PHACTR2: variants seen among roughly 807,000 people sequenced by gnomAD.
PHACTR2 encodes phosphatase and actin regulator 2.
A neutral mutation model predicts 76.0 loss-of-function variants in PHACTR2; 30 were observed. That is an observed-to-expected ratio of 0.39 (90% CI 0.30 to 0.54). The LOEUF (loss-of-function observed/expected upper bound fraction) is 0.54, where lower values mean the gene tolerates loss of function less well. Ranked by LOEUF, PHACTR2 falls within the 20% of genes least tolerant of loss-of-function variation. PHACTR2 has a pLI of 0.61. For missense variants in PHACTR2, 696 were observed against 781.1 expected (o/e 0.89, Z 1.30); for synonymous variants, 292 against 292.5 (o/e 1.00, Z 0.02).
In PHACTR2 at chr6:143,722,976, A is replaced by C. The variant is rs148931643; in HGVS notation, c.214+10793A>C. On this transcript the variant is annotated intron_variant, in intron 2 of 12. Transcript: ENST00000440869. This position sits in a 1 kb window ranked among gnomAD's most constrained non-coding sequence, Gnocchi z 4.1. ...GCTGAATAGTATTCCATTATGGTGG[A>C]ATAATATTCCATTGTGTATATGTAC... is the stretch of plus-strand genomic sequence containing the variant. 1.6e-3 allele frequency among the ~76,000 whole-genome samples: 250 copies of C among 152,340 alleles called. 1 individual carries two copies. Among genetic ancestry groups the C allele is most frequent in the Middle Eastern group, 3.4e-3 (1 of 294 alleles).
At position 143,579,229 on chromosome 6, in the gene PHACTR2, A is replaced by T. The variant is rs542572164; in HGVS notation, c.217+42022A>T. 4.1e-4 allele frequency among the ~76,000 whole-genome samples: 62 copies of T among 152,188 alleles called. 3 individuals are homozygous for T. The South Asian group carries it at 0.012, about 30-fold the overall frequency. On this transcript the variant is annotated intron_variant, in intron 1 of 11. Transcript: ENST00000367584. ...CCAAAACTTATTTTTTTCTTATTGT[A>T]ACATAGCTGTGTGAACAAGAAGGGA...
At position 143,633,848 on chromosome 6, in the gene PHACTR2, T is replaced by A. The variant is rs534815135; in HGVS notation, c.13+25526T>A. Among the ~76,000 whole-genome samples, 469 of 152,352 alleles carry A rather than the reference T, an allele frequency of 3.1e-3. 2 individuals are homozygous for A. The highest frequency in any genetic ancestry group is 0.024 in the Middle Eastern group (7 of 294). On this transcript the variant is annotated intron_variant, in intron 1 of 11. Transcript: ENST00000305766. This position sits in a 1 kb window ranked among gnomAD's most constrained non-coding sequence, Gnocchi z 4.1. ...CTGTCTAGATTCATTTTTTCGCATT[T>A]AGATGTCCAGTTACCTTTTGAAGAT...
At chr6:143,677,021 T>A, upstream of PHACTR2, among the ~76,000 whole-genome samples, 1 of 151,920 alleles carries the variant, frequency 6.6e-6, no homozygotes, top group East Asian at 1.9e-4. Flanking sequence ...AATTAAAAAA[T>A]GAAAGCTGTG....
chr6:143,740,594 A>ATTGC (rs1562289355), intron 2 of PHACTR2, among the ~76,000 whole-genome samples: 1 of 151,996 alleles, frequency 6.6e-6, no homozygotes, highest in Non-Finnish European at 1.5e-5. Flanking sequence ...AAAGTGGAGA[A>ATTGC]TTGCTTGTGG....
intron 2 of PHACTR2, among the ~76,000 whole-genome samples, chr6:143,716,005 G>A (rs527594628): frequency 6.6e-6 from 1 of 152,202 alleles, no homozygotes; most frequent in African/African-American, 2.4e-5. Flanking sequence ...AAATCTGTAG[G>A]CCACTAGAGA....
chr6:143,656,650 C>T lies in PHACTR2; in HGVS notation c.13+48328C>T, dbSNP rs111432239. Among the ~76,000 whole-genome samples, 94 of 151,912 alleles carry T rather than the reference C, an allele frequency of 6.2e-4. No individual in the cohort carries two copies. Among genetic ancestry groups the T allele is most frequent in the Middle Eastern group, 3.4e-3 (1 of 294 alleles). ...ATTGTAGTTGAGTAAATATTACACC[C>T]GGTGTGTTGATTAATGAATAGATGT... is the stretch of plus-strand genomic sequence containing the variant. On this transcript the variant is annotated intron_variant, in intron 1 of 11. Transcript: ENST00000305766. The surrounding 1 kb of genome is among the most constrained non-coding windows in gnomAD (Gnocchi z 5.3).
Position 143,750,740 on chromosome 6 carries a change from T to C in PHACTR2, c.295+1675T>C, listed in dbSNP as rs1355927022. 6.6e-6 allele frequency among the ~76,000 whole-genome samples: 1 copy of C among 152,218 alleles called. No homozygotes were observed. The highest frequency in any genetic ancestry group is 2.4e-5 in the African/African-American group (1 of 41,462). Reference sequence around the variant, plus strand: ...ATAATTTCTTGGGCCAACATATACTTCTCAGAAATCTGACTCTCTGATCTT... The same window carrying C: ...ATAATTTCTTGGGCCAACATATACTCCTCAGAAATCTGACTCTCTGATCTT... On this transcript the variant is annotated intron_variant, in intron 3 of 12. Coordinates refer to ENST00000440869, the MANE Select transcript of PHACTR2 (RefSeq NM_001100164.2). The surrounding 1 kb of genome is among the most constrained non-coding windows in gnomAD (Gnocchi z 4.6).
At chr6:143,703,757 T>C (rs1777971672) in intron 1 of PHACTR2, among the ~76,000 whole-genome samples, 1 of 152,188 alleles carries the variant, frequency 6.6e-6, no homozygotes, top group South Asian at 2.1e-4. Flanking sequence ...AATTTTCTTC[T>C]GAGCCAAGAT....
At position 143,599,344 on chromosome 6, in the gene PHACTR2, A is replaced by G. The variant is rs73592174; in HGVS notation, c.217+62137A>G. 1.3e-5 allele frequency among the ~76,000 whole-genome samples: 2 copies of G among 152,184 alleles called. No individual in the cohort carries two copies. Among genetic ancestry groups the G allele is most frequent in the African/African-American group, 4.8e-5 (2 of 41,440 alleles). On this transcript the variant is annotated intron_variant, in intron 1 of 11. Transcript: ENST00000367584. This position sits in a 1 kb window ranked among gnomAD's most constrained non-coding sequence, Gnocchi z 4.6. ...AATTGATTCATGAGAGAAAAAAGTA[A>G]CATGCTTTTTAGGCATTTTTAGGAA...
intron 1 of PHACTR2, among the ~76,000 whole-genome samples, chr6:143,575,880 A>T (rs1471937974): frequency 1.1e-5 from 1 of 93,238 alleles, no homozygotes; most frequent in Non-Finnish European, 2.6e-5. Context: ...TTTGTTTTCA[A>T]TTTAGAAAAA....
intron 1 of PHACTR2, chr6:143,555,003 G>A (rs951984141): frequency 5.3e-5 from 8 of 152,042 alleles, no homozygotes; most frequent in African/African-American, 1.7e-4. Flanking sequence ...TTCTTAGGAC[G>A]TTTTGTTACT....
At chr6:143,798,735 C>G (rs1420562667) in intron 11 of PHACTR2, among the ~76,000 whole-genome samples, 2 of 152,202 alleles carry the variant, frequency 1.3e-5, no homozygotes. Context: ...AGGGATGAAG[C>G]TGACTTGATC....
chr6:143,813,315 T>A (rs1302811003), intron 12 of PHACTR2, among the ~76,000 whole-genome samples: 1 of 152,190 alleles, frequency 6.6e-6, no homozygotes, highest in Non-Finnish European at 1.5e-5. Context: ...AGCAGCAGTA[T>A]ATTTTATTTA....
intron 2 of PHACTR2, among the ~76,000 whole-genome samples, chr6:143,732,176 C>T (rs922260576): frequency 5.3e-5 from 8 of 152,194 alleles, no homozygotes; most frequent in Non-Finnish European, 1.0e-4. Context: ...ACCCATTTAA[C>T]GTGTGCAACT....
chr6:143,755,070 T>G lies in PHACTR2; in HGVS notation c.454+1158T>G, dbSNP rs1356431028. 6.6e-6 allele frequency among the ~76,000 whole-genome samples: 1 copy of G among 152,264 alleles called. No individual in the cohort carries two copies. Among genetic ancestry groups the G allele is most frequent in the Non-Finnish European group, 1.5e-5 (1 of 68,052 alleles). ...GTTTTAGAAGCCTGTGTAAATAATC[T>G]GTTGGAAATGTATTATTTTGCTTTA... On this transcript the variant is annotated intron_variant, in intron 4 of 12. Coordinates refer to ENST00000440869, the MANE Select transcript of PHACTR2 (RefSeq NM_001100164.2). The surrounding 1 kb of genome is among the most constrained non-coding windows in gnomAD (Gnocchi z 5.2).
intron 10 of PHACTR2, among the ~76,000 whole-genome samples, chr6:143,786,501 T>G (rs1023411247): frequency 6.6e-6 from 1 of 152,230 alleles, no homozygotes; most frequent in Non-Finnish European, 1.5e-5. Context: ...AGTTCCAAAG[T>G]TGATTCCACA....
intron 3 of PHACTR2, among the ~76,000 whole-genome samples, chr6:143,752,764 T>A (rs192118784): frequency 4.5e-4 from 69 of 152,264 alleles, no homozygotes; most frequent in African/African-American, 1.5e-3. Context: ...ATAAGAGTAG[T>A]AAAAAATTGA....
rs1775177566 is a variant in PHACTR2 at position 143,772,399 on chromosome 6, G to C, written c.1374G>C (p.Gly458=). 6.2e-7 allele frequency: 1 copy of C among 1,614,034 alleles called. No homozygotes were observed. The highest frequency in any genetic ancestry group is 1.3e-5 in the African/African-American group (1 of 74,930). Residue 458 remains glycine (G), a synonymous_variant, in exon 7 of 13, where the codon GGG becomes GGC. Coordinates refer to ENST00000440869, the MANE Select transcript of PHACTR2 (RefSeq NM_001100164.2). This position sits in a 1 kb window ranked among gnomAD's most constrained non-coding sequence, Gnocchi z 5.4. ...AAGCCAATGACTCTGACTCGGACGG[G>C]CCTATCTTGTACACCGATGATGAGG... ...EYQANDSDSD[G]PILYTDDEDE...
chr6:143,562,367 T>G lies in PHACTR2; in HGVS notation c.217+25160T>G, dbSNP rs1316776498. 6.6e-6 allele frequency among the ~76,000 whole-genome samples: 1 copy of G among 152,104 alleles called. No individual in the cohort carries two copies. Among genetic ancestry groups the G allele is most frequent in the Non-Finnish European group, 1.5e-5 (1 of 68,016 alleles). On this transcript the variant is annotated intron_variant, in intron 1 of 11. Coordinates refer to the PHACTR2 transcript ENST00000367584. This position sits in a 1 kb window ranked among gnomAD's most constrained non-coding sequence, Gnocchi z 5.1. Reference sequence around the variant, plus strand: ...GCAAAGGGGAAGCAGGCCCGTCACATGGCCAGAGCAGGAGCAAGACAGCCA... The same window carrying G: ...GCAAAGGGGAAGCAGGCCCGTCACAGGGCCAGAGCAGGAGCAAGACAGCCA...
Sources: gnomAD v4.1 joint callset for allele counts (sites outside exome capture counted in the v4.1 genomes callset) on GRCh38, gnomAD v4.1.1 for gene constraint, Gnocchi (gnomAD v3.1) non-coding constraint, MANE v1.5 for transcripts, NCBI Gene and HGNC (gene_info 2026-07-23, HGNC 2026-07-21) for gene names.